FAM131B: variants seen among roughly 807,000 people sequenced by gnomAD.
FAM131B encodes family with sequence similarity 131 member B.
FAM131B carries 19 observed loss-of-function variants against 42.0 expected under a neutral mutation model. That is an observed-to-expected ratio of 0.45 (90% CI 0.32 to 0.66). The LOEUF (loss-of-function observed/expected upper bound fraction) is 0.66, where lower values mean the gene tolerates loss of function less well. Ranked by LOEUF, FAM131B falls within the 30% of genes least tolerant of loss-of-function variation. The pLI is 0.05. For missense variants in FAM131B, 370 were observed against 468.4 expected (o/e 0.79, Z 1.94); for synonymous variants, 183 against 177.6 (o/e 1.03, Z -0.24).
At position 143,355,040 on chromosome 7, in the gene FAM131B, G is replaced by T; in HGVS notation, c.*1510C>A. ...GAGTGTGGGTAGGACACAGGCCTGGGAGCCGGAGCCTTGGAAGGGCGTGAG... is the reference window on the plus strand; with the variant it reads ...GAGTGTGGGTAGGACACAGGCCTGGTAGCCGGAGCCTTGGAAGGGCGTGAG... On this transcript the variant is annotated 3_prime_UTR_variant, in exon 7 of 7. Coordinates refer to ENST00000443739, the MANE Select transcript of FAM131B (RefSeq NM_001031690.3). The surrounding 1 kb of genome is among the most constrained non-coding windows in gnomAD (Gnocchi z 4.1). The T allele has an allele frequency of 6.6e-6, 1 of 152,622 alleles. No homozygotes were observed. 9.5% of individuals were successfully genotyped at this position (152,622 alleles called of 1,614,324 possible).
chr7:143,371,159 C>G, the FAM131B span, among the ~76,000 whole-genome samples: 1 of 152,110 alleles, frequency 6.6e-6, no homozygotes, highest in Non-Finnish European at 1.5e-5. Flanking sequence ...TCTCTAGGTT[C>G]TACGATCCAA....
the FAM131B span, chr7:143,380,164 G>C: frequency 2.0e-6 from 2 of 984,246 alleles, no homozygotes; most frequent in Admixed American, 6.2e-5. This position sits in a 1 kb window ranked among gnomAD's most constrained non-coding sequence, Gnocchi z 5.0. Flanking sequence ...ACTAGCGGGC[G>C]AAAGGCCATG....
At chr7:143,368,766 T>C in the FAM131B span, among the ~76,000 whole-genome samples, 1 of 152,212 alleles carries the variant, frequency 6.6e-6, no homozygotes, top group Non-Finnish European at 1.5e-5. Context: ...CCAGTTCTTT[T>C]CCTTTGCTAG....
chr7:143,362,032 G>A lies in FAM131B; in HGVS notation c.28+544C>T. 1.0e-6 allele frequency: 1 copy of A among 983,816 alleles called. No individual in the cohort carries two copies. The highest frequency in any genetic ancestry group is 4.7e-5 in the South Asian group (1 of 21,258). The allele number at this position is 983,816 out of a possible 1,614,324, so 60.9% of individuals were successfully genotyped here. On this transcript the variant is annotated intron_variant, in intron 1 of 6. Transcript: ENST00000443739. This position sits in a 1 kb window ranked among gnomAD's most constrained non-coding sequence, Gnocchi z 7.7. ...AAAACGCACGTGAACAAAGCGAATC[G>A]GAGGAGGCAGGAACGACAGTAAAAG...
chr7:143,380,745 G>T, the FAM131B span: 3 of 985,442 alleles, frequency 3.0e-6, no homozygotes, highest in Non-Finnish European at 3.6e-6. The surrounding 1 kb of genome is among the most constrained non-coding windows in gnomAD (Gnocchi z 5.0). Flanking sequence ...CAGCTGGGGG[G>T]TGCTGGGAGG....
the FAM131B span, chr7:143,380,232 TAA>T: frequency 2.6e-3 from 2,396 of 937,728 alleles, no homozygotes; most frequent in Non-Finnish European, 2.6e-3. This position sits in a 1 kb window ranked among gnomAD's most constrained non-coding sequence, Gnocchi z 5.0. Flanking sequence ...CCAGTGCAAT[TAA>T]AAAAAAAAAA....
At chr7:143,370,453 A>T in the FAM131B span, among the ~76,000 whole-genome samples, 1 of 152,244 alleles carries the variant, frequency 6.6e-6, no homozygotes, top group Non-Finnish European at 1.5e-5. Flanking sequence ...CCAGACGGTT[A>T]TGGCATTCTA....
chr7:143,371,014 C>T, the FAM131B span, among the ~76,000 whole-genome samples: 1 of 152,196 alleles, frequency 6.6e-6, no homozygotes, highest in Non-Finnish European at 1.5e-5. Flanking sequence ...CATTCCCAAA[C>T]ACTCTTTCTT....
chr7:143,376,021 G>C, the FAM131B span, among the ~76,000 whole-genome samples: 1 of 152,190 alleles, frequency 6.6e-6, no homozygotes, highest in Non-Finnish European at 1.5e-5. Flanking sequence ...GCTGATGCTT[G>C]CAGTGCCTTT....
upstream of FAM131B, among the ~76,000 whole-genome samples, chr7:143,365,213 G>A (rs556362066): frequency 6.6e-6 from 1 of 152,294 alleles, no homozygotes; most frequent in Non-Finnish European, 1.5e-5. Flanking sequence ...GCTCAGGGAG[G>A]GGGATGAGAC....
intron 6 of FAM131B, 62 bp from the exon 7 acceptor site, chr7:143,357,084 C>A: frequency 7.7e-7 from 1 of 1,296,426 alleles, no homozygotes; most frequent in Non-Finnish European, 1.1e-6. Flanking sequence ...AATGACAGCA[C>A]AGACAGCACA....
chr7:143,356,112 G>A lies in FAM131B; in HGVS notation c.*438C>T. The A allele has an allele frequency of 5.4e-6, 1 of 185,488 alleles. No homozygotes were observed. Among genetic ancestry groups the A allele is most frequent in the South Asian group, 1.1e-4 (1 of 8,794 alleles). 11.5% of individuals were successfully genotyped at this position (185,488 alleles called of 1,614,324 possible). A position where few individuals can be genotyped will look rare whatever the true frequency, so the allele number is the denominator to read the frequency against. ...TGGGGCCACAGCCAGAGAAAACAGA[G>A]TTGGGAAAAGCAAGAGTGAAATGGA... On this transcript the variant is annotated 3_prime_UTR_variant, in exon 7 of 7. Transcript: ENST00000443739. This position sits in a 1 kb window ranked among gnomAD's most constrained non-coding sequence, Gnocchi z 4.4.
chr7:143,379,942 C>G, the FAM131B span: 2 of 488,184 alleles, frequency 4.1e-6, no homozygotes, highest in Non-Finnish European at 5.3e-6. Context: ...TGACCCGGGT[C>G]CATCTCTTCA....
the FAM131B span, among the ~76,000 whole-genome samples, chr7:143,370,215 C>T: frequency 6.6e-6 from 1 of 152,160 alleles, no homozygotes; most frequent in Non-Finnish European, 1.5e-5. Context: ...TCTTTCTCTT[C>T]CTGGAGCTCT....
chr7:143,362,100 A>G lies in FAM131B; in HGVS notation c.28+476T>C. 1.0e-6 allele frequency: 1 copy of G among 969,326 alleles called. No homozygotes were observed. Among genetic ancestry groups the G allele is most frequent in the Non-Finnish European group, 1.2e-6 (1 of 814,766 alleles). 60.0% of individuals were successfully genotyped at this position (969,326 alleles called of 1,614,324 possible). On this transcript the variant is annotated intron_variant, in intron 1 of 6. Coordinates refer to ENST00000443739, the MANE Select transcript of FAM131B (RefSeq NM_001031690.3). This position sits in a 1 kb window ranked among gnomAD's most constrained non-coding sequence, Gnocchi z 7.7. ...AGAGATGGGGCAAAGCACCCGAGCC[A>G]GATGGAGGCGGCGGCGGGGGGTGGC... is the stretch of plus-strand genomic sequence containing the variant.
rs1803768676 is a variant in FAM131B, at chr7:143,358,137, A to G, written c.466+690T>C. Reference sequence around the variant, plus strand: ...GGGGATCCCTATTCTAGTCAAATCCATGAGCGTGTTGAAGCTGGTACTGCT... The same window carrying G: ...GGGGATCCCTATTCTAGTCAAATCCGTGAGCGTGTTGAAGCTGGTACTGCT... On this transcript the variant is annotated intron_variant, in intron 5 of 6. Transcript: ENST00000443739. The surrounding 1 kb of genome is among the most constrained non-coding windows in gnomAD (Gnocchi z 4.7). Among the ~76,000 whole-genome samples the G allele has an allele frequency of 6.6e-6, 1 of 152,164 alleles. No homozygotes were observed. Among genetic ancestry groups the G allele is most frequent in the Non-Finnish European group, 1.5e-5 (1 of 68,030 alleles).
rs1270712449 is a variant in FAM131B at position 143,358,921 on chromosome 7, A to G, written c.372T>C (p.Ala124=). The G allele has an allele frequency of 1.9e-6, 3 of 1,614,016 alleles. No homozygotes were observed. The highest frequency in any genetic ancestry group is 2.5e-6 in the Non-Finnish European group (3 of 1,179,984). ...IEWQGWGKTP[A]VQPQHSHESV... The stretch of plus-strand genomic sequence containing the variant: ...ACTCATGGCTGTGTTGTGGCTGAAC[A>G]GCTGGTGTCTTCCCCCAGCCCTGCC... Residue 124 remains alanine, a synonymous_variant, in exon 5 of 7, where the codon GCT becomes GCC. Transcript: ENST00000443739. The surrounding 1 kb of genome is among the most constrained non-coding windows in gnomAD (Gnocchi z 4.7).
chr7:143,373,878 C>A, the FAM131B span, among the ~76,000 whole-genome samples: 25,455 of 152,090 alleles, frequency 0.17, 2,301 homozygotes, highest in East Asian at 0.29. Flanking sequence ...ACAGTGTAGG[C>A]AAAGTGGGAG....
the FAM131B span, among the ~76,000 whole-genome samples, chr7:143,379,089 G>T: frequency 6.6e-6 from 1 of 152,236 alleles, no homozygotes; most frequent in African/African-American, 2.4e-5. Context: ...TTTAAAAATA[G>T]GTTCAGCTGC....
Sources: allele counts gnomAD v4.1 joint callset (sites outside exome capture counted in the v4.1 genomes callset), GRCh38; gene constraint gnomAD v4.1.1; non-coding constraint Gnocchi (gnomAD v3.1); transcripts MANE v1.5; gene names NCBI Gene and HGNC (gene_info 2026-07-23, HGNC 2026-07-21).